Variants in ZC3H12B observed in about 807,000 individuals in gnomAD.
ZC3H12B encodes probable ribonuclease ZC3H12B.
In ZC3H12B, 7 loss-of-function variants were observed where a neutral mutation model predicts 43.9. The observed-to-expected ratio is 0.16, with a 90% CI of 0.09 to 0.30. The LOEUF is 0.30. Among genes scored for constraint, ZC3H12B ranks in the 10% least tolerant of loss-of-function variants. ZC3H12B has a pLI of 1.00. For synonymous variants in ZC3H12B, 222 were observed against 241.7 expected, an observed-to-expected ratio of 0.92 and a Z score of 0.76; for missense variants, 475 against 670.2, an observed-to-expected ratio of 0.71 and a Z score of 3.22.
the ZC3H12B span, among the ~76,000 whole-genome samples, chrX:65,213,000 G>GT: frequency 9.3e-6 from 1 of 107,183 alleles, no homozygotes; most frequent in African/African-American, 3.4e-5. Context: ...GTTTTTCTTG[G>GT]TTTTTGAATT....
chrX:65,482,586 G>A (rs2068076944), intron 3 of ZC3H12B, among the ~76,000 whole-genome samples: 1 of 112,236 alleles, frequency 8.9e-6, no homozygotes, highest in African/African-American at 3.2e-5. Flanking sequence ...GAAGAAAATA[G>A]TAAGTATGTA....
intron 3 of ZC3H12B, among the ~76,000 whole-genome samples, chrX:65,466,492 C>A (rs1297849743): frequency 4.5e-5 from 5 of 110,032 alleles, no homozygotes; most frequent in Admixed American, 9.9e-5. Context: ...AAGGTTTTCT[C>A]TTTATCTCAG....
At chrX:65,300,408 C>T in the ZC3H12B span, among the ~76,000 whole-genome samples, 1 of 111,389 alleles carries the variant, frequency 9.0e-6, no homozygotes, top group East Asian at 2.9e-4. Flanking sequence ...ACTCATCTGA[C>T]GACCTGTATG....
chrX:65,483,985 C>A (rs6524990), upstream of ZC3H12B, among the ~76,000 whole-genome samples: 15,683 of 111,608 alleles, frequency 0.14, 2,617 homozygotes, highest in African/African-American at 0.48. Context: ...ACCACATTTT[C>A]TTTATCCAGT....
At chrX:65,501,716 T>C in intron 4 of ZC3H12B, 73 bp from the exon 10 acceptor site, 2 of 1,017,863 alleles carry the variant, frequency 2.0e-6, no homozygotes, top group Non-Finnish European at 1.3e-6. Flanking sequence ...AGTGACCAGA[T>C]TGTTACAACA....
At chrX:65,409,137 A>T (rs1311234585) in intron 3 of ZC3H12B, among the ~76,000 whole-genome samples, 5 of 111,143 alleles carry the variant, frequency 4.5e-5, no homozygotes, top group Non-Finnish European at 9.4e-5. Context: ...TTTTTGAAGA[A>T]AAGTAATTTA....
chrX:65,488,549 C>T, upstream of ZC3H12B: 1 of 230,301 alleles, frequency 4.3e-6, no homozygotes, highest in East Asian at 7.8e-5. Context: ...AACCAAATGC[C>T]AAAAATCCTG....
chrX:65,501,831 C>T (rs777046305), exon 5 of ZC3H12B: 16 of 1,193,349 alleles, frequency 1.3e-5, no homozygotes, highest in Non-Finnish European at 2.3e-6. Flanking sequence ...TACTACCATC[C>T]GGAGCGGGCC....
chrX:65,107,531 T>A, the ZC3H12B span, among the ~76,000 whole-genome samples: 1 of 111,116 alleles, frequency 9.0e-6, no homozygotes, highest in South Asian at 3.8e-4. Flanking sequence ...CTAGATGATA[T>A]ACCTCGATAT....
intron 3 of ZC3H12B, among the ~76,000 whole-genome samples, chrX:65,480,716 G>T (rs1015830287): frequency 9.1e-6 from 1 of 110,483 alleles, no homozygotes; most frequent in Non-Finnish European, 1.9e-5. Context: ...CATGGTGGCG[G>T]ATGTCTGTAA....
chrX:65,265,704 A>G, the ZC3H12B span, among the ~76,000 whole-genome samples: 2 of 111,877 alleles, frequency 1.8e-5, no homozygotes, highest in Admixed American at 9.5e-5. Flanking sequence ...TGAGCACATC[A>G]TTTGTTGTGG....
the ZC3H12B span, among the ~76,000 whole-genome samples, chrX:65,350,822 A>G: frequency 3.9e-4 from 44 of 112,004 alleles, no homozygotes; most frequent in Non-Finnish European, 1.9e-4. Context: ...ATAAGAGGGA[A>G]CACAAACAAA....
At chrX:65,284,817 T>A in the ZC3H12B span, among the ~76,000 whole-genome samples, 2 of 110,107 alleles carry the variant, frequency 1.8e-5, no homozygotes, top group Non-Finnish European at 3.8e-5. Flanking sequence ...CAAATAGAAA[T>A]TATGAAACTG....
chrX:65,216,363 G>A, the ZC3H12B span, among the ~76,000 whole-genome samples: 1 of 111,257 alleles, frequency 9.0e-6, no homozygotes, highest in African/African-American at 3.3e-5. Flanking sequence ...ACTCAGCATA[G>A]CCCTGTCACA....
At chrX:65,255,845 C>T in the ZC3H12B span, among the ~76,000 whole-genome samples, 6 of 112,173 alleles carry the variant, frequency 5.3e-5, no homozygotes, top group African/African-American at 1.6e-4. Context: ...GGAGAAAAAT[C>T]TATGAAATGA....
chrX:65,469,783 C>G (rs1370044278), intron 3 of ZC3H12B: 1 of 113,650 alleles, frequency 8.8e-6, no homozygotes, highest in African/African-American at 3.3e-5. Flanking sequence ...CCAGCCTAGC[C>G]AACATGGTGA....
At chrX:65,489,033 C>T (rs754052721) in exon 1 of ZC3H12B, 7 of 1,211,625 alleles carry the variant, frequency 5.8e-6, no homozygotes, top group Admixed American at 2.2e-5. Context: ...CAAGCCACAC[C>T]GCCAGCTCTG....
At chrX:65,248,512 G>A in the ZC3H12B span, among the ~76,000 whole-genome samples, 1 of 111,960 alleles carries the variant, frequency 8.9e-6, no homozygotes, top group African/African-American at 3.2e-5. Context: ...TTTATTCAGT[G>A]CTTATGATAC....
chrX:65,135,054 CAG>C, the ZC3H12B span, among the ~76,000 whole-genome samples: 3 of 111,102 alleles, frequency 2.7e-5, no homozygotes, highest in Non-Finnish European at 5.7e-5. Flanking sequence ...GCGCAGGTCA[CAG>C]GGTATATGAT....
Sources: allele counts gnomAD v4.1 joint callset (sites outside exome capture counted in the v4.1 genomes callset), GRCh38; gene constraint gnomAD v4.1.1; transcripts MANE v1.5; gene names NCBI Gene and HGNC (gene_info 2026-07-23, HGNC 2026-07-21).